FILIP1L: variants seen among roughly 807,000 people sequenced by gnomAD.
FILIP1L encodes the protein filamin A-interacting protein 1-like.
A neutral mutation model predicts 96.6 loss-of-function variants in FILIP1L; 55 were observed. The observed-to-expected ratio is 0.57, with a 90% CI of 0.46 to 0.71. The LOEUF is 0.71. FILIP1L is among the 30% of genes least tolerant of loss of function. The pLI is 0.00. For synonymous variants in FILIP1L, 467 were observed against 473.9 expected (o/e 0.99, Z 0.19); for missense variants, 1,304 against 1,321.2 (o/e 0.99, Z 0.20).
intron 1 of FILIP1L, among the ~76,000 whole-genome samples, chr3:99,993,334 T>C (rs2107140107): frequency 6.6e-6 from 1 of 152,196 alleles, no homozygotes; most frequent in East Asian, 1.9e-4. Context: ...GTTTTGGAGC[T>C]TGGAACTTCA....
chr3:100,075,273 C>T (rs1167170948), intron 1 of FILIP1L, among the ~76,000 whole-genome samples: 1 of 152,148 alleles, frequency 6.6e-6, no homozygotes, highest in African/African-American at 2.4e-5. Flanking sequence ...CTTCTAATGA[C>T]ACAAGAGAAC....
chr3:99,877,102 C>T (rs1445475677), intron 4 of FILIP1L, among the ~76,000 whole-genome samples: 2 of 152,158 alleles, frequency 1.3e-5, no homozygotes, highest in Admixed American at 6.5e-5. Flanking sequence ...AATGAGAATT[C>T]ACCTCCGAAT....
intron 5 of FILIP1L, chr3:99,847,903 C>A: frequency 2.1e-6 from 2 of 975,394 alleles, no homozygotes; most frequent in African/African-American, 1.8e-5. Flanking sequence ...ACAGAATGAC[C>A]AAAAGAAAAT....
chr3:100,108,208 G>A (rs1027088278), intron 1 of FILIP1L, among the ~76,000 whole-genome samples: 8 of 152,098 alleles, frequency 5.3e-5, no homozygotes, highest in African/African-American at 1.7e-4. Context: ...GTGTCTGTGT[G>A]CAATCTAACT....
In FILIP1L at chr3:99,983,460, G is replaced by GTGTA. The variant is rs1348562068; in HGVS notation, c.-10-52431_-10-52430insTACA. On this transcript the variant is annotated intron_variant, in intron 1 of 5. Coordinates refer to ENST00000477258, the MANE Select transcript of FILIP1L (RefSeq NM_001387850.1). ...TATATATGTATGTATATATATATAT[G>GTGTA]TGTGTATATATATATATATATATAT... is the stretch of plus-strand genomic sequence containing the variant. Among the ~76,000 whole-genome samples the GTGTA allele has an allele frequency of 8.0e-3, 552 of 69,300 alleles. 7 individuals carry two copies. The highest frequency in any genetic ancestry group is 0.024 in the African/African-American group (233 of 9,614). 45.5% of individuals were successfully genotyped at this position (69,300 alleles called of 152,430 possible).
intron 4 of FILIP1L, among the ~76,000 whole-genome samples, chr3:99,901,087 A>G (rs182456532): frequency 1.3e-5 from 2 of 152,372 alleles, no homozygotes; most frequent in East Asian, 3.9e-4. Context: ...CCAAAGGATT[A>G]AACTGTATAC....
At chr3:100,071,090 C>CTTTTTTT (rs61563009) in intron 1 of FILIP1L, among the ~76,000 whole-genome samples, 62 of 70,444 alleles carry the variant, frequency 8.8e-4, no homozygotes, top group East Asian at 2.0e-3. Context: ...GCTACTCTCT[C>CTTTTTTT]TTTTTTTTTT....
intron 1 of FILIP1L, among the ~76,000 whole-genome samples, chr3:100,092,867 C>T (rs1219325842): frequency 6.6e-6 from 1 of 151,602 alleles, no homozygotes; most frequent in Non-Finnish European, 1.5e-5. Context: ...AAGACAAACT[C>T]ATTCCAGGAG....
chr3:99,857,366 A>G (rs767953831), intron 4 of FILIP1L, among the ~76,000 whole-genome samples: 3 of 152,240 alleles, frequency 2.0e-5, no homozygotes, highest in Admixed American at 6.5e-5. Flanking sequence ...TCCCTGCATT[A>G]GAACTGTATG....
intron 1 of FILIP1L, among the ~76,000 whole-genome samples, chr3:99,974,751 G>T (rs1708921555): frequency 6.6e-6 from 1 of 152,034 alleles, no homozygotes; most frequent in Non-Finnish European, 1.5e-5. Flanking sequence ...CATGTTTGGA[G>T]TGGAAAAAAC....
At chr3:100,064,782 G>C (rs2065634577) in intron 1 of FILIP1L, among the ~76,000 whole-genome samples, 1 of 151,664 alleles carries the variant, frequency 6.6e-6, no homozygotes, top group Admixed American at 6.6e-5. Context: ...TACTACATGA[G>C]AGTCAATTTG....
intron 4 of FILIP1L, among the ~76,000 whole-genome samples, chr3:99,878,928 A>C (rs987257792): frequency 6.6e-6 from 1 of 152,178 alleles, no homozygotes; most frequent in African/African-American, 2.4e-5. Flanking sequence ...TGGTTTCTGA[A>C]ATTTTCTTCA....
At position 99,830,625 on chromosome 3, in the gene FILIP1L, C is replaced by A. The variant is rs775782838; in HGVS notation, c.3382-20G>T. The A allele has an allele frequency of 2.2e-6, 1 of 456,198 alleles. No individual in the cohort carries two copies. The highest frequency in any genetic ancestry group is 2.4e-5 in the Admixed American group (1 of 42,528). The allele number at this position is 456,198 out of a possible 1,614,324, so 28.3% of individuals were successfully genotyped here. On this transcript the variant is annotated intron_variant, in intron 5 of 5. Coordinates refer to ENST00000477258, the MANE Select transcript of FILIP1L (RefSeq NM_001387850.1). ...CTTGATCTTGAATTAAACAAGAGAA[C>A]AAAAGGTAATTAATGGTACAGTTGG...
chr3:100,093,311 A>G (rs1168236313), intron 1 of FILIP1L, among the ~76,000 whole-genome samples: 1 of 152,164 alleles, frequency 6.6e-6, no homozygotes, highest in Admixed American at 6.5e-5. Context: ...TGTTCATTTT[A>G]GAAAAAGTCA....
intron 1 of FILIP1L, among the ~76,000 whole-genome samples, chr3:99,963,625 T>C (rs1708558233): frequency 6.6e-6 from 1 of 152,168 alleles, no homozygotes; most frequent in Admixed American, 6.6e-5. Context: ...TTTTTTCTTT[T>C]TTTTTAGACG....
At chr3:100,075,187 A>T (rs2065830470) in intron 1 of FILIP1L, among the ~76,000 whole-genome samples, 1 of 152,250 alleles carries the variant, frequency 6.6e-6, no homozygotes, top group African/African-American at 2.4e-5. Context: ...GAAATGATCA[A>T]CCTGAAACAC....
intron 1 of FILIP1L, among the ~76,000 whole-genome samples, chr3:100,100,239 G>A (rs1201663773): frequency 3.3e-5 from 5 of 152,160 alleles, no homozygotes; most frequent in Admixed American, 6.5e-5. Context: ...TGTACATCCT[G>A]AGGAAAGGGT....
chr3:100,000,362 C>T (rs747874940), intron 1 of FILIP1L, among the ~76,000 whole-genome samples: 6 of 152,262 alleles, frequency 3.9e-5, no homozygotes, highest in Non-Finnish European at 7.4e-5. Flanking sequence ...TGTTTGTTAT[C>T]CATCCCTCCT....
intron 1 of FILIP1L, among the ~76,000 whole-genome samples, chr3:100,027,433 T>C (rs1156319860): frequency 1.3e-5 from 2 of 152,142 alleles, no homozygotes; most frequent in African/African-American, 4.8e-5. Context: ...CTGTACTTCT[T>C]TTGGCCTAGA....
Sources: gnomAD v4.1 joint callset for allele counts (sites outside exome capture counted in the v4.1 genomes callset) on GRCh38, gnomAD v4.1.1 for gene constraint, MANE v1.5 for transcripts, NCBI Gene and HGNC (gene_info 2026-07-23, HGNC 2026-07-21) for gene names.